Variants in BBS9 observed in about 807,000 individuals in gnomAD.
BBS9 encodes the protein protein PTHB1.
Under a neutral mutation model 117.7 loss-of-function variants are expected in BBS9, and 89 were observed. That is an observed-to-expected ratio of 0.76 (90% CI 0.64 to 0.90). The LOEUF is 0.90. Among genes scored for constraint, BBS9 ranks in the 40% least tolerant of loss-of-function variants. BBS9 has a pLI of 0.00. For synonymous variants in BBS9, 379 were observed against 370.9 expected, an observed-to-expected ratio of 1.02 and a Z score of -0.25; for missense variants, 982 against 1,042.2, an observed-to-expected ratio of 0.94 and a Z score of 0.80.
chr7:33,389,425 C>T (rs758793519), intron 19 of BBS9, among the ~76,000 whole-genome samples: 1 of 152,044 alleles, frequency 6.6e-6, no homozygotes, highest in Non-Finnish European at 1.5e-5. Flanking sequence ...CATGGTGGCT[C>T]ACGCCTGTAA....
chr7:33,205,829 G>T (rs1393311981), intron 5 of BBS9, among the ~76,000 whole-genome samples: 1 of 152,028 alleles, frequency 6.6e-6, no homozygotes, highest in African/African-American at 2.4e-5. Context: ...ATTTTTTGAT[G>T]GACATCTCTG....
intron 5 of BBS9, among the ~76,000 whole-genome samples, chr7:33,230,711 A>AT (rs1314512185): frequency 6.6e-6 from 1 of 152,174 alleles, no homozygotes; most frequent in East Asian, 1.9e-4. Flanking sequence ...ACTAAGGATA[A>AT]TGGCCTCCAT....
At chr7:33,632,778 A>C (rs958314239) in intron 21 of BBS9, among the ~76,000 whole-genome samples, 5 of 151,782 alleles carry the variant, frequency 3.3e-5, no homozygotes, top group African/African-American at 1.2e-4. Context: ...AGGCCACACT[A>C]CTCAAACATT....
In BBS9 at chr7:33,163,592, T is replaced by C. The variant is rs566657044; in HGVS notation, c.328+7890T>C. 4.6e-5 allele frequency among the ~76,000 whole-genome samples: 7 copies of C among 152,354 alleles called. No individual in the cohort carries two copies. The East Asian group carries it at 1.3e-3, about 29-fold the overall frequency. On this transcript the variant is annotated intron_variant, in intron 4 of 22. Coordinates refer to ENST00000242067, the MANE Select transcript of BBS9 (RefSeq NM_198428.3). Reference sequence around the variant, plus strand: ...ATGTGTCCAGGAATTTATCCATTTCTTCTAGATTTTCTAGTTTTTTTGCAT... The same window carrying C: ...ATGTGTCCAGGAATTTATCCATTTCCTCTAGATTTTCTAGTTTTTTTGCAT...
chr7:33,407,665 AG>A (rs1381538200), intron 19 of BBS9, among the ~76,000 whole-genome samples: 1 of 152,212 alleles, frequency 6.6e-6, no homozygotes, highest in Non-Finnish European at 1.5e-5. Context: ...CAGGACCCTC[AG>A]CTGCAGGTCT....
intron 9 of BBS9, among the ~76,000 whole-genome samples, chr7:33,318,039 A>G (rs115824641): frequency 0.037 from 5,610 of 152,242 alleles, 179 homozygotes; most frequent in African/African-American, 0.086. Context: ...GCAACAGAGC[A>G]AGACTGTCTC....
intron 5 of BBS9, among the ~76,000 whole-genome samples, chr7:33,251,249 A>C (rs1305599591): frequency 2.0e-5 from 3 of 152,188 alleles, no homozygotes; most frequent in African/African-American, 4.8e-5. Context: ...CTGTGATTCC[A>C]TACCGTATGC....
intron 7 of BBS9, among the ~76,000 whole-genome samples, chr7:33,272,462 A>G (rs1302831785): frequency 1.3e-5 from 2 of 152,176 alleles, no homozygotes; most frequent in East Asian, 3.8e-4. Context: ...ATGGAAGATG[A>G]ATCCTGAAAA....
chr7:33,597,677 CA>C (rs140418894), intron 21 of BBS9, among the ~76,000 whole-genome samples: 55 of 146,714 alleles, frequency 3.7e-4, no homozygotes, highest in African/African-American at 6.7e-4. Flanking sequence ...GATCTTCCTG[CA>C]AAAAAAAAAT....
chr7:33,413,796 C>G (rs1449423068), intron 19 of BBS9, among the ~76,000 whole-genome samples: 1 of 152,062 alleles, frequency 6.6e-6, no homozygotes, highest in African/African-American at 2.4e-5. Flanking sequence ...CCGAGGCAGG[C>G]AGATCACCTG....
At chr7:33,584,614 T>C (rs1563403051) in intron 21 of BBS9, among the ~76,000 whole-genome samples, 1 of 152,118 alleles carries the variant, frequency 6.6e-6, no homozygotes, top group Non-Finnish European at 1.5e-5. Flanking sequence ...ATATATTTAT[T>C]TGAGGACTTA....
chr7:33,178,455 T>C (rs940816671), intron 5 of BBS9, among the ~76,000 whole-genome samples: 1 of 152,154 alleles, frequency 6.6e-6, no homozygotes, highest in Non-Finnish European at 1.5e-5. Flanking sequence ...TGTACACTCT[T>C]GCTGTTGGCA....
intron 5 of BBS9, among the ~76,000 whole-genome samples, chr7:33,239,478 CG>C (rs754773591): frequency 8.6e-4 from 131 of 151,882 alleles, no homozygotes; most frequent in Non-Finnish European, 1.5e-3. Context: ...GGTGCAATCT[CG>C]GCTCACTGCA....
At chr7:33,595,929 C>T (rs1354810035) in intron 21 of BBS9, among the ~76,000 whole-genome samples, 1 of 151,928 alleles carries the variant, frequency 6.6e-6, no homozygotes, top group African/African-American at 2.4e-5. Context: ...GAACAGAAAA[C>T]CAAACACCAC....
rs1178089226 is a variant in BBS9, at chr7:33,148,443, A to G, written c.112+2079A>G. On this transcript the variant is annotated intron_variant, in intron 2 of 22. Transcript: ENST00000242067. ...AGTGGTGTGATCTTGGCTCACTGCA[A>G]CCTCCACCTCCCGGGTTCAAGCAAT... Among the ~76,000 whole-genome samples, 3 of 151,754 alleles carry G rather than the reference A, an allele frequency of 2.0e-5. No individual in the cohort carries two copies. The East Asian group carries it at 5.8e-4, about 29-fold the overall frequency.
intron 19 of BBS9, among the ~76,000 whole-genome samples, chr7:33,478,963 C>T (rs1370686240): frequency 4.1e-5 from 6 of 146,718 alleles, no homozygotes; most frequent in African/African-American, 1.5e-4. Flanking sequence ...TGTTACTTTA[C>T]TGTTCATTTA....
chr7:33,504,003 A>G (rs1311707632), intron 19 of BBS9, among the ~76,000 whole-genome samples: 1 of 152,168 alleles, frequency 6.6e-6, no homozygotes, highest in African/African-American at 2.4e-5. Context: ...TCTGTTCTGC[A>G]CAATTAGGAC....
chr7:33,393,354 A>G lies in BBS9; in HGVS notation c.2115+5210A>G, dbSNP rs11980798. On this transcript the variant is annotated intron_variant, in intron 19 of 22. Transcript: ENST00000242067. The stretch of plus-strand genomic sequence containing the variant: ...ATAGGTCTTCACCTTAGCTTTGTCC[A>G]GTACTGGCTTCATGGGCATGTCACC... Among the ~76,000 whole-genome samples the G allele has an allele frequency of 7.0e-3, 1,071 of 152,286 alleles. 17 individuals are homozygous for G. Among genetic ancestry groups the G allele is most frequent in the African/African-American group, 0.025 (1,027 of 41,564 alleles).
At chr7:33,167,689 A>G (rs1376583118) in intron 4 of BBS9, among the ~76,000 whole-genome samples, 4 of 152,090 alleles carry the variant, frequency 2.6e-5, no homozygotes, top group Non-Finnish European at 5.9e-5. Context: ...ATGAGCCACC[A>G]CGATCAGCCT....
Sources: gnomAD v4.1 joint callset for allele counts (sites outside exome capture counted in the v4.1 genomes callset) on GRCh38, gnomAD v4.1.1 for gene constraint, MANE v1.5 for transcripts, NCBI Gene and HGNC (gene_info 2026-07-23, HGNC 2026-07-21) for gene names.